The following PHLPP1 variants were observed in gnomAD, a reference collection of about 807,000 sequenced individuals.
PHLPP1 encodes PH domain and leucine rich repeat protein phosphatase 1, also known as PH domain leucine-rich repeat-containing protein phosphatase 1.
PHLPP1 carries 42 observed loss-of-function variants against 117.2 expected under a neutral mutation model. The ratio of observed to expected loss-of-function variants is 0.36; its 90% confidence interval spans 0.28 to 0.46. The LOEUF is 0.46. Ranked by LOEUF, PHLPP1 falls within the 20% of genes least tolerant of loss-of-function variation. The probability of loss-of-function intolerance (pLI) is 1.00; values close to 1 mark genes in which losing one functional copy is unlikely to be tolerated. For missense variants in PHLPP1, 2,084 were observed against 2,241.9 expected (o/e 0.93, Z 1.42); for synonymous variants, 1,042 against 970.7 (o/e 1.07, Z -1.37).
At chr18:62,905,355 G>A (rs1281709594) in intron 8 of PHLPP1, 71 bp downstream of exon 8, 3 of 717,980 alleles carry the variant, frequency 4.2e-6, no homozygotes, top group South Asian at 4.0e-5. Flanking sequence ...CTGAGCTTAT[G>A]CACAAGTACT....
chr18:62,824,106 G>A (rs1178808467), intron 1 of PHLPP1: 4 of 445,978 alleles, frequency 9.0e-6, no homozygotes, highest in Non-Finnish European at 1.8e-5. Context: ...CACTCCAGCT[G>A]GGCAACAAGA....
At chr18:62,836,560 C>G (rs1160711957) in intron 2 of PHLPP1, among the ~76,000 whole-genome samples, 1 of 151,708 alleles carries the variant, frequency 6.6e-6, no homozygotes, top group Admixed American at 6.6e-5. Context: ...CTGTAAGTTT[C>G]CTTTCTGTTA....
At chr18:62,860,108 G>A (rs958534462) in intron 3 of PHLPP1, among the ~76,000 whole-genome samples, 1 of 152,114 alleles carries the variant, frequency 6.6e-6, no homozygotes, top group Admixed American at 6.6e-5. Flanking sequence ...GAATACTGTG[G>A]GCAGTTGTAA....
In PHLPP1 at chr18:62,820,310, A is replaced by G. The variant is rs555172878; in HGVS notation, c.1577-9725A>G. ...ATGTGTAGACAAAATTATTAAAAAT[A>G]TAGAAGACTTGACTAGCACTCTTAG... On this transcript the variant is annotated intron_variant, in intron 1 of 16. Transcript: ENST00000262719. Among the ~76,000 whole-genome samples the G allele has an allele frequency of 1.6e-4, 24 of 152,368 alleles. No homozygotes were observed. In the South Asian group the frequency reaches 2.7e-3, roughly 17 times the overall value.
At chr18:62,937,059 C>T (rs990251656) in intron 10 of PHLPP1, among the ~76,000 whole-genome samples, 4 of 152,134 alleles carry the variant, frequency 2.6e-5, no homozygotes, top group Admixed American at 6.5e-5. Flanking sequence ...TTTTACAATA[C>T]CTGGTATGTC....
chr18:62,915,189 A>C (rs548680224), intron 9 of PHLPP1, among the ~76,000 whole-genome samples, 181 bp downstream of exon 9: 42 of 152,316 alleles, frequency 2.8e-4, no homozygotes, highest in African/African-American at 9.9e-4. Flanking sequence ...TGCAGTGAGG[A>C]GTAGAGTGAG....
intron 3 of PHLPP1, among the ~76,000 whole-genome samples, chr18:62,859,285 G>T (rs1336650749): frequency 6.6e-6 from 1 of 152,244 alleles, no homozygotes. Flanking sequence ...AATTGGCACT[G>T]TGTTACCTAC....
chr18:62,728,964 A>C (rs986713237), intron 1 of PHLPP1, among the ~76,000 whole-genome samples: 2 of 152,132 alleles, frequency 1.3e-5, no homozygotes, highest in Admixed American at 6.5e-5. Flanking sequence ...AGGAATAATA[A>C]TTTGAAATAG....
intron 1 of PHLPP1, among the ~76,000 whole-genome samples, chr18:62,720,550 C>CA (rs1265783467): frequency 1.3e-5 from 2 of 152,030 alleles, no homozygotes; most frequent in Non-Finnish European, 2.9e-5. Context: ...TTCCTACATG[C>CA]AAACCAAGAG....
chr18:62,920,878 A>G (rs995357392), intron 10 of PHLPP1, among the ~76,000 whole-genome samples: 1 of 152,198 alleles, frequency 6.6e-6, no homozygotes, highest in African/African-American at 2.4e-5. Context: ...TTTTTTAAAC[A>G]GTCCTTCTTA....
chr18:62,810,372 G>A (rs1323927422), intron 1 of PHLPP1, among the ~76,000 whole-genome samples: 1 of 151,840 alleles, frequency 6.6e-6, no homozygotes, highest in Non-Finnish European at 1.5e-5. Context: ...ATTTTTTTTT[G>A]TGGTAATCTT....
intron 1 of PHLPP1, among the ~76,000 whole-genome samples, chr18:62,787,324 T>C (rs575623038): frequency 1.8e-3 from 275 of 152,230 alleles, no homozygotes; most frequent in African/African-American, 6.5e-3. Flanking sequence ...GTGCCGCTAC[T>C]GCCTGGCTAA....
At position 62,716,823 on chromosome 18, in the gene PHLPP1, G is replaced by C. The variant is rs894196098; in HGVS notation, c.1140G>C (p.Glu380Asp). ...GGSSSSSEEL[E>D]ADAASAPTGV... Reference sequence around the variant, plus strand: ...CCTCGTCGTCGTCGGAAGAGCTCGAGGCCGACGCAGCCTCGGCCCCGACGG... The same window carrying C: ...CCTCGTCGTCGTCGGAAGAGCTCGACGCCGACGCAGCCTCGGCCCCGACGG... Residue 380 changes from glutamate (E) to aspartate (D), a missense_variant, in exon 1 of 17, where the codon GAG becomes GAC. By Grantham distance (45) the Glu-to-Asp change is conservative (BLOSUM62 2). Coordinates refer to ENST00000262719, the MANE Select transcript of PHLPP1 (RefSeq NM_194449.4). This position sits in a 1 kb window ranked among gnomAD's most constrained non-coding sequence, Gnocchi z 5.7. The C allele has an allele frequency of 4.1e-4, 623 of 1,526,314 alleles. 1 individual carries two copies. Among genetic ancestry groups the C allele is most frequent in the Non-Finnish European group, 5.2e-4 (598 of 1,142,570 alleles). The allele number at this position is 1,526,314 out of a possible 1,614,324, so 94.5% of individuals were successfully genotyped here. A position where few individuals can be genotyped will look rare whatever the true frequency, so the allele number is the denominator to read the frequency against.
chr18:62,739,843 TC>T (rs1162892472), intron 1 of PHLPP1, among the ~76,000 whole-genome samples: 2 of 152,028 alleles, frequency 1.3e-5, no homozygotes, highest in African/African-American at 4.8e-5. Context: ...TAAAGAAGAG[TC>T]ACATCTCAAT....
chr18:62,912,396 A>C (rs1344346538), intron 8 of PHLPP1, among the ~76,000 whole-genome samples: 2 of 151,512 alleles, frequency 1.3e-5, no homozygotes, highest in Non-Finnish European at 2.9e-5. Flanking sequence ...AAAATCATAA[A>C]ACTCTTTGAG....
chr18:62,795,540 C>T (rs908098409), intron 1 of PHLPP1, among the ~76,000 whole-genome samples: 3 of 150,212 alleles, frequency 2.0e-5, no homozygotes, highest in African/African-American at 7.3e-5. Context: ...AAAAACCATT[C>T]TTAACTCACT....
At chr18:62,798,725 T>G (rs1258786910) in intron 1 of PHLPP1, among the ~76,000 whole-genome samples, 1 of 152,094 alleles carries the variant, frequency 6.6e-6, no homozygotes, top group African/African-American at 2.4e-5. Context: ...CCTTCTCTTC[T>G]TTGAACTCTG....
intron 16 of PHLPP1, among the ~76,000 whole-genome samples, chr18:62,977,728 G>T (rs1361181648): frequency 2.6e-5 from 4 of 152,220 alleles, no homozygotes; most frequent in Non-Finnish European, 5.9e-5. Context: ...TGTGATCATG[G>T]AGAGCAATGG....
intron 14 of PHLPP1, among the ~76,000 whole-genome samples, chr18:62,971,361 A>AT (rs569119061): frequency 0.065 from 8,912 of 137,588 alleles, 369 homozygotes; most frequent in Non-Finnish European, 0.095. Flanking sequence ...TCCTGGCCTT[A>AT]TTTTTTTTTT....
Sources: allele counts gnomAD v4.1 joint callset (sites outside exome capture counted in the v4.1 genomes callset), GRCh38; gene constraint gnomAD v4.1.1; non-coding constraint Gnocchi (gnomAD v3.1); transcripts MANE v1.5; gene names NCBI Gene and HGNC (gene_info 2026-07-23, HGNC 2026-07-21).